DHRS2: variants seen among roughly 807,000 people sequenced by gnomAD.
The protein encoded by DHRS2 is dehydrogenase/reductase 2.
A neutral mutation model predicts 26.3 loss-of-function variants in DHRS2; 29 were observed. That is an observed-to-expected ratio of 1.10 (90% CI 0.82 to 1.50). DHRS2 has a LOEUF of 1.50. DHRS2 is among the 40% of genes most tolerant of loss of function. The pLI is 0.00. For synonymous variants in DHRS2, 164 were observed against 151.3 expected, an observed-to-expected ratio of 1.08 and a Z score of -0.62; for missense variants, 439 against 367.1, an observed-to-expected ratio of 1.20 and a Z score of -1.60.
chr14:23,643,964 G>A, intron 5 of DHRS2, 147 bp from the exon 6 acceptor site: 1 of 792,690 alleles, frequency 1.3e-6, no homozygotes, highest in East Asian at 2.5e-5. Context: ...ACCTTTCTGA[G>A]CCTCAGTTTT....
chr14:23,644,794 G>A (rs1566705250), intron 7 of DHRS2, 33 bp from the exon 8 acceptor site: 1 of 1,612,544 alleles, frequency 6.2e-7, no homozygotes, highest in Admixed American at 1.7e-5. Flanking sequence ...TGTTTTAGTA[G>A]CACTGACTCC....
At position 23,645,335 on chromosome 14, in the gene DHRS2, G is replaced by C; in HGVS notation, c.*82G>C. 6.2e-7 allele frequency: 1 copy of C among 1,604,496 alleles called. No homozygotes were observed. Among genetic ancestry groups the C allele is most frequent in the Non-Finnish European group, 8.5e-7 (1 of 1,177,322 alleles). ...TCTAGGTGATCATTTGGATCTGGAG[G>C]CAGAGTCTGCCATTCTGCCAGACTA... On this transcript the variant is annotated 3_prime_UTR_variant, in exon 9 of 9. Coordinates refer to ENST00000250383, the MANE Select transcript of DHRS2 (RefSeq NM_005794.4).
In DHRS2 at chr14:23,645,228, T is replaced by A. The variant is rs146187363; in HGVS notation, c.818T>A (p.Val273Glu). ...TACGTCAACGGGGAGAACATTGCGGTGGCAGGCTACTCCACTCGGCTCTGA... is the reference window on the plus strand; with the variant it reads ...TACGTCAACGGGGAGAACATTGCGGAGGCAGGCTACTCCACTCGGCTCTGA... ...ASYVNGENIAVAGYSTRL is the reference protein window; with the variant it reads ...ASYVNGENIAEAGYSTRL The change falls in exon 9 of 9, where the codon GTG becomes GAG. Residue 273 changes from valine to glutamate, a missense_variant. Transcript: ENST00000250383. The A allele has an allele frequency of 5.8e-4, 943 of 1,614,130 alleles. 20 individuals carry two copies. The South Asian group carries it at 9.4e-3, about 16-fold the overall frequency.
intron 1 of DHRS2, among the ~76,000 whole-genome samples, chr14:23,637,780 C>G (rs1890400123): frequency 6.6e-6 from 1 of 152,050 alleles, no homozygotes; most frequent in African/African-American, 2.4e-5. Context: ...GTAAATGCAC[C>G]AATCAGCACT....
rs781670008 is a variant in DHRS2, at chr14:23,645,189, C to T, written c.779C>T (p.Ser260Phe). ...DCAGIVSFLC[S>F]PDASYVNGEN... ...GCAGGAATCGTGTCCTTCCTGTGCTCTCCAGATGCCAGCTACGTCAACGGG... is the reference window on the plus strand; with the variant it reads ...GCAGGAATCGTGTCCTTCCTGTGCTTTCCAGATGCCAGCTACGTCAACGGG... The change falls in exon 9 of 9, where the codon TCT (serine) becomes TTT (phenylalanine). Residue 260 changes from serine to phenylalanine, a missense_variant. Transcript: ENST00000250383. 2 of 1,614,166 alleles carry T rather than the reference C, an allele frequency of 1.2e-6. No homozygotes were observed. The highest frequency in any genetic ancestry group is 8.5e-7 in the Non-Finnish European group (1 of 1,180,024).
At chr14:23,640,247 C>T (rs1435730257) in intron 4 of DHRS2, 1 of 996,314 alleles carries the variant, frequency 1.0e-6, no homozygotes, top group Non-Finnish European at 1.2e-6. Flanking sequence ...AAGAGTCAAA[C>T]ATTTTTGTAT....
rs534200295 is a variant in DHRS2, at chr14:23,636,688, T to C, written c.-123T>C. On this transcript the variant is annotated 5_prime_UTR_variant, in exon 1 of 9. Coordinates refer to ENST00000250383, the MANE Select transcript of DHRS2 (RefSeq NM_005794.4). ...GAAGAGACTGTCACCTATCACCAAG[T>C]GGTGAGACTATTGCCAAGCAGTGAG... 8 of 152,302 alleles carry C rather than the reference T, an allele frequency of 5.3e-5. No homozygotes were observed. The highest frequency in any genetic ancestry group is 6.8e-3 in the Middle Eastern group (2 of 294). The allele number at this position is 152,302 out of a possible 1,614,324, so 9.4% of individuals were successfully genotyped here.
chr14:23,639,830 T>C lies in DHRS2; in HGVS notation c.355T>C (p.Cys119Arg), dbSNP rs1291340427. The change falls in exon 4 of 9, where the codon TGC becomes CGC. Residue 119 changes from cysteine to arginine, a missense_variant. Cys to Arg is a radical substitution (Grantham distance 180). Transcript: ENST00000250383. ...CTGTGGGGGCGTCGACTTCCTGGTG[T>C]GCAGCGCAGGGGTCAACCCTCTGGT... ...EHCGGVDFLVCSAGVNPLVGS... is the reference protein window; with the variant it reads ...EHCGGVDFLVRSAGVNPLVGS... The C allele has an allele frequency of 6.2e-6, 10 of 1,610,490 alleles. No individual in the cohort carries two copies. The highest frequency in any genetic ancestry group is 1.7e-5 in the Admixed American group (1 of 59,738).
At chr14:23,633,295 G>C (rs1193393011), upstream of DHRS2, among the ~76,000 whole-genome samples, 1 of 152,184 alleles carries the variant, frequency 6.6e-6, no homozygotes, top group Admixed American at 6.5e-5. Context: ...GGTTTAACTG[G>C]CTCAGCTCCA....
chr14:23,639,559 G>T (rs982461659), intron 3 of DHRS2, among the ~76,000 whole-genome samples: 12 of 152,142 alleles, frequency 7.9e-5, no homozygotes, highest in Non-Finnish European at 1.8e-4. Context: ...CCCAGGCCCG[G>T]GGAGAATCAC....
rs575683380 is a variant in DHRS2 at position 23,639,437 on chromosome 14, G to T, written c.318+81G>T. ...TCACTGCTTGGCCCTTGTGGGGTGGGTCTAGAATATGTCCTGAGACCATGA... is the reference window on the plus strand; with the variant it reads ...TCACTGCTTGGCCCTTGTGGGGTGGTTCTAGAATATGTCCTGAGACCATGA... On this transcript the variant is annotated intron_variant, in intron 3 of 8. Coordinates refer to ENST00000250383, the MANE Select transcript of DHRS2 (RefSeq NM_005794.4). The T allele has an allele frequency of 4.3e-5, 63 of 1,456,330 alleles. No homozygotes were observed. The African/African-American group carries it at 7.8e-4, about 18-fold the overall frequency. The allele number at this position is 1,456,330 out of a possible 1,614,324, so 90.2% of individuals were successfully genotyped here.
Position 23,639,815 on chromosome 14 carries a change from G to GT in DHRS2, c.341dup (p.Asp115ArgfsTer21). ...GCAGGCCCTGGAGCACTGTGGGGGC[G>GT]TCGACTTCCTGGTGTGCAGCGCAGG... On this transcript the variant is annotated frameshift_variant, in exon 4 of 9. Coordinates refer to ENST00000250383, the MANE Select transcript of DHRS2 (RefSeq NM_005794.4). LOFTEE classifies it high-confidence loss of function. 6.2e-7 allele frequency: 1 copy of GT among 1,608,578 alleles called. No individual in the cohort carries two copies. The highest frequency in any genetic ancestry group is 1.1e-5 in the South Asian group (1 of 90,380).
At chr14:23,643,570 C>T in intron 5 of DHRS2, 1 of 302,710 alleles carries the variant, frequency 3.3e-6, no homozygotes, top group Non-Finnish European at 6.3e-6. Flanking sequence ...TAGCCCCATT[C>T]CTCTCCATAG....
rs1443162882 is a variant in DHRS2 at position 23,639,305 on chromosome 14, C to G, written c.267C>G (p.Gly89=). ...KLQGEGLSVA[G]IVCHVGKAED... is the part of the protein sequence containing the mutation. The stretch of plus-strand genomic sequence containing the variant: ...AGGGGGAGGGGCTGAGTGTGGCGGG[C>G]ATTGTGTGCCACGTGGGGAAGGCTG... Residue 89 remains glycine, a synonymous_variant, in exon 3 of 9, where the codon GGC becomes GGG. Transcript: ENST00000250383. 2 of 1,594,620 alleles carry G rather than the reference C, an allele frequency of 1.3e-6. No homozygotes were observed. Among genetic ancestry groups the G allele is most frequent in the East Asian group, 2.2e-5 (1 of 44,762 alleles).
At position 23,645,435 on chromosome 14, in the gene DHRS2, G is replaced by A. The variant is rs1470843526; in HGVS notation, c.*182G>A. The A allele has an allele frequency of 5.4e-6, 7 of 1,290,182 alleles. No individual in the cohort carries two copies. The highest frequency in any genetic ancestry group is 2.4e-5 in the East Asian group (1 of 41,790). 79.9% of individuals were successfully genotyped at this position (1,290,182 alleles called of 1,614,324 possible). A position where few individuals can be genotyped will look rare whatever the true frequency, so the allele number is the denominator to read the frequency against. ...TCGGCATTCTCCTTAGGACTTATCT[G>A]CTTGTAGATTTGGCTGATCCAATTA... On this transcript the variant is annotated 3_prime_UTR_variant, in exon 9 of 9. Transcript: ENST00000250383.
intron 4 of DHRS2, chr14:23,641,591 C>T (rs1594246188): frequency 3.1e-6 from 4 of 1,287,286 alleles, no homozygotes; most frequent in South Asian, 1.2e-5. Context: ...GGACAGATAT[C>T]CTGTGGGCTG....
rs141726064 is a variant in DHRS2 at position 23,644,190 on chromosome 14, G to T, written c.540+28G>T. 25 of 1,613,028 alleles carry T rather than the reference G, an allele frequency of 1.5e-5. No individual in the cohort carries two copies. The Admixed American group carries it at 3.5e-4, about 23-fold the overall frequency. ...AAGTGCTTGGTCCTTGTGCTCCTGA[G>T]TGGTATAGGGTGAGGGGCAACTTTG... On this transcript the variant is annotated intron_variant, in intron 6 of 8. Coordinates refer to ENST00000250383, the MANE Select transcript of DHRS2 (RefSeq NM_005794.4).
chr14:23,638,752 G>C (rs1042505628), intron 1 of DHRS2, 75 bp from the exon 2 acceptor site: 1 of 1,445,960 alleles, frequency 6.9e-7, no homozygotes, highest in African/African-American at 1.4e-5. Context: ...TGTCTGTCTG[G>C]AGGAAGGAGG....
At chr14:23,643,318 A>C in intron 5 of DHRS2, 99 bp downstream of exon 5, 1 of 1,134,910 alleles carries the variant, frequency 8.8e-7, no homozygotes, top group Non-Finnish European at 1.3e-6. Context: ...AGAGGACAGA[A>C]GAGGTCTGGG....
Sources: gnomAD v4.1 joint callset for allele counts (sites outside exome capture counted in the v4.1 genomes callset) on GRCh38, gnomAD v4.1.1 for gene constraint, MANE v1.5 for transcripts, NCBI Gene and HGNC (gene_info 2026-07-23, HGNC 2026-07-21) for gene names.